The following CECR2 variants were observed in gnomAD, a reference collection of about 807,000 sequenced individuals.
CECR2 encodes chromatin remodeling regulator CECR2.
CECR2 carries 30 observed loss-of-function variants against 154.5 expected under a neutral mutation model. The observed-to-expected ratio is 0.19, with a 90% CI of 0.15 to 0.26. The LOEUF (loss-of-function observed/expected upper bound fraction) is 0.26. Among genes scored for constraint, CECR2 ranks in the 10% least tolerant of loss-of-function variants. The pLI is 1.00. For missense variants in CECR2, 1,743 were observed against 1,829.3 expected (o/e 0.95, Z 0.86); for synonymous variants, 725 against 683.7 (o/e 1.06, Z -0.94).
chr22:17,503,659 T>G (rs902677457), intron 6 of CECR2, among the ~76,000 whole-genome samples: 1 of 152,188 alleles, frequency 6.6e-6, no homozygotes, highest in Non-Finnish European at 1.5e-5. Context: ...AAATTCACAG[T>G]AGTTATATTT....
chr22:17,439,438 G>C (rs2146661210), intron 1 of CECR2, among the ~76,000 whole-genome samples: 1 of 152,178 alleles, frequency 6.6e-6, no homozygotes, highest in Admixed American at 6.5e-5. Context: ...TATTTGCAAA[G>C]CAGATGACAG....
rs747825289 is a variant in CECR2, at chr22:17,542,429, G to A, written c.2286G>A (p.Ser762=). 9.9e-6 allele frequency: 16 copies of A among 1,613,776 alleles called. No individual in the cohort carries two copies. The highest frequency in any genetic ancestry group is 6.7e-5 in the Admixed American group (4 of 59,992). The change falls in exon 16 of 19, where the codon TCG becomes TCA. Residue 762 remains serine, a synonymous_variant. Transcript: ENST00000262608. ...TTCCTCCCAGCCATATGTATCGATCGTACAAGTACCTGAATCGAGTACACT... is the reference window on the plus strand; with the variant it reads ...TTCCTCCCAGCCATATGTATCGATCATACAAGTACCTGAATCGAGTACACT... ...SEIPPSHMYR[S]YKYLNRVHSA...
Position 17,540,716 on chromosome 22 carries a change from G to A in CECR2, c.1800G>A (p.Glu600=). 1 of 1,613,064 alleles carries A rather than the reference G, an allele frequency of 6.2e-7. No individual in the cohort carries two copies. Among genetic ancestry groups the A allele is most frequent in the South Asian group, 1.1e-5 (1 of 90,830 alleles). Residue 600 remains glutamate (E), a synonymous_variant, in exon 14 of 19, where the codon GAG becomes GAA. Transcript: ENST00000262608. ...GCAGCTCCACACAGCCCCCGCGGGA[G>A]GTGGGCACTTCCAATGGCCGAGGTT... is the stretch of plus-strand genomic sequence containing the variant. ...QSSSSTQPPR[E]VGTSNGRGFS...
intron 2 of CECR2, among the ~76,000 whole-genome samples, chr22:17,486,142 T>C (rs73379498): frequency 0.022 from 3,408 of 152,266 alleles, 144 homozygotes; most frequent in African/African-American, 0.078. Context: ...ACCGTGCCCA[T>C]CTAAAAGGGT....
At chr22:17,494,012 G>A (rs1314074960) in intron 2 of CECR2, among the ~76,000 whole-genome samples, 1 of 152,208 alleles carries the variant, frequency 6.6e-6, no homozygotes, top group Non-Finnish European at 1.5e-5. Flanking sequence ...TAGATAAAGA[G>A]ATTTATTGCC....
chr22:17,477,693 C>A lies in CECR2; in HGVS notation c.221+11C>A, dbSNP rs1462187614. 2 of 1,573,278 alleles carry A rather than the reference C, an allele frequency of 1.3e-6. No individual in the cohort carries two copies. The highest frequency in any genetic ancestry group is 8.7e-7 in the Non-Finnish European group (1 of 1,143,088). On this transcript the variant is annotated intron_variant, in intron 2 of 18. Coordinates refer to ENST00000262608, the MANE Select transcript of CECR2 (RefSeq NM_001290047.2). ...ACGAAGAGATATCACGTGAGTAATT[C>A]TGATCTTTCTAAGCATTTCTTGCGC...
At chr22:17,486,738 C>T (rs558781283) in intron 2 of CECR2, among the ~76,000 whole-genome samples, 2 of 152,336 alleles carry the variant, frequency 1.3e-5, no homozygotes, top group South Asian at 4.1e-4. Context: ...ATATGGAAAA[C>T]TTACGAAGAA....
At chr22:17,486,667 A>G (rs2055426328) in intron 2 of CECR2, among the ~76,000 whole-genome samples, 1 of 152,248 alleles carries the variant, frequency 6.6e-6, no homozygotes, top group Admixed American at 6.5e-5. Flanking sequence ...CAAGTCACAG[A>G]AGCATACACA....
At chr22:17,459,560 G>A (rs538124975) in intron 1 of CECR2, among the ~76,000 whole-genome samples, 62 of 148,672 alleles carry the variant, frequency 4.2e-4, no homozygotes, top group Admixed American at 1.4e-3. Flanking sequence ...GGACTCCCCC[G>A]GCGTCGGCCT....
At chr22:17,376,477 T>G (rs1288537669) in intron 1 of CECR2, among the ~76,000 whole-genome samples, 1 of 147,152 alleles carries the variant, frequency 6.8e-6, no homozygotes, top group Non-Finnish European at 1.5e-5. Flanking sequence ...TGGGATTCCA[T>G]GGTGTGCTGG....
intron 2 of CECR2, among the ~76,000 whole-genome samples, chr22:17,495,212 G>T (rs1252157215): frequency 6.6e-6 from 1 of 152,152 alleles, no homozygotes; most frequent in East Asian, 1.9e-4. Flanking sequence ...CTTAATAGTT[G>T]AGATGTAAAA....
At chr22:17,383,671 T>G (rs2063226260) in intron 1 of CECR2, among the ~76,000 whole-genome samples, 1 of 147,598 alleles carries the variant, frequency 6.8e-6, no homozygotes, top group African/African-American at 2.5e-5. Flanking sequence ...TTTTTTTTTT[T>G]TTTTTTTTGA....
At chr22:17,404,057 A>C (rs2053936718) in intron 1 of CECR2, among the ~76,000 whole-genome samples, 1 of 151,852 alleles carries the variant, frequency 6.6e-6, no homozygotes, top group Non-Finnish European at 1.5e-5. Context: ...CAGGAGTTTG[A>C]GACTAGTCCA....
chr22:17,523,622 G>A (rs905037389), intron 8 of CECR2, among the ~76,000 whole-genome samples: 1 of 151,682 alleles, frequency 6.6e-6, no homozygotes, highest in Non-Finnish European at 1.5e-5. Flanking sequence ...CGGGCGTGGT[G>A]GCAGGCGCCT....
intron 2 of CECR2, among the ~76,000 whole-genome samples, chr22:17,490,233 T>C (rs2055503099): frequency 6.6e-6 from 1 of 151,948 alleles, no homozygotes; most frequent in Non-Finnish European, 1.5e-5. Context: ...CTCCCATTAG[T>C]TGTGCCCATT....
At chr22:17,365,568 T>C (rs532323934), upstream of CECR2, among the ~76,000 whole-genome samples, 2 of 152,000 alleles carry the variant, frequency 1.3e-5, no homozygotes, top group East Asian at 1.9e-4. Flanking sequence ...TGGTGGTGGG[T>C]GCCTGTACAC....
intron 1 of CECR2, among the ~76,000 whole-genome samples, chr22:17,468,030 C>T (rs1005947272): frequency 6.6e-6 from 1 of 152,140 alleles, no homozygotes; most frequent in Non-Finnish European, 1.5e-5. Context: ...AAGGAGAGGG[C>T]AGTCGTCTTT....
intron 1 of CECR2, among the ~76,000 whole-genome samples, chr22:17,371,474 G>GTTAA (rs2146438471): frequency 6.6e-6 from 1 of 152,336 alleles, no homozygotes; most frequent in East Asian, 1.9e-4. Context: ...TTAGACAACT[G>GTTAA]TTAATATTGA....
intron 1 of CECR2, among the ~76,000 whole-genome samples, chr22:17,362,896 C>CTT (rs2062983905): frequency 8.9e-6 from 1 of 112,578 alleles, no homozygotes; most frequent in Non-Finnish European, 1.8e-5. Context: ...AGCGAAACTC[C>CTT]GTCTCAAAAA....
Sources: allele counts gnomAD v4.1 joint callset (sites outside exome capture counted in the v4.1 genomes callset), GRCh38; gene constraint gnomAD v4.1.1; transcripts MANE v1.5; gene names NCBI Gene and HGNC (gene_info 2026-07-23, HGNC 2026-07-21).